ASCC3: variants seen among roughly 807,000 people sequenced by gnomAD.
ASCC3 encodes ASC-1 complex subunit P200.
In ASCC3, 158 loss-of-function variants were observed where a neutral mutation model predicts 256.3. The ratio of observed to expected loss-of-function variants is 0.62; its 90% CI spans 0.54 to 0.70. ASCC3 has a LOEUF of 0.70. Ranked by LOEUF, ASCC3 falls within the 30% of genes least tolerant of loss-of-function variation. The pLI, the probability that ASCC3 is intolerant of heterozygous loss-of-function variation, is 0.00. For synonymous variants in ASCC3, 948 were observed against 883.4 expected (o/e 1.07, Z -1.30); for missense variants, 2,259 against 2,626.0 (o/e 0.86, Z 3.05).
At chr6:100,678,760 A>G (rs1457382690) in intron 14 of ASCC3, among the ~76,000 whole-genome samples, 1 of 152,152 alleles carries the variant, frequency 6.6e-6, no homozygotes, top group Non-Finnish European at 1.5e-5. Flanking sequence ...CTGCAAAGAA[A>G]CAGAAAGTAA....
chr6:100,518,973 C>T (rs1056252729), intron 37 of ASCC3, among the ~76,000 whole-genome samples: 1 of 151,886 alleles, frequency 6.6e-6, no homozygotes, highest in Admixed American at 6.6e-5. Context: ...ATATGCCTAG[C>T]AAATAATTAA....
intron 30 of ASCC3, among the ~76,000 whole-genome samples, chr6:100,614,610 C>A (rs9377084): frequency 0.063 from 9,658 of 152,096 alleles, 721 homozygotes; most frequent in East Asian, 0.3. Context: ...GACCAAGAAG[C>A]CTGGCTCCAG....
chr6:100,625,947 G>A (rs1774211153), intron 29 of ASCC3, among the ~76,000 whole-genome samples: 1 of 151,922 alleles, frequency 6.6e-6, no homozygotes, highest in Non-Finnish European at 1.5e-5. Context: ...ACAAGATAAC[G>A]TAGAAGAGGG....
At chr6:100,570,416 G>T (rs942448369) in intron 36 of ASCC3, among the ~76,000 whole-genome samples, 3 of 152,094 alleles carry the variant, frequency 2.0e-5, no homozygotes, top group Non-Finnish European at 4.4e-5. Context: ...CTGTGGGTTT[G>T]TCATATTATT....
chr6:100,631,626 T>C (rs77845342), intron 25 of ASCC3, among the ~76,000 whole-genome samples: 2,299 of 152,056 alleles, frequency 0.015, 54 homozygotes, highest in African/African-American at 0.052. Context: ...TAATATTTAT[T>C]TGAGTTGTAT....
intron 36 of ASCC3, among the ~76,000 whole-genome samples, chr6:100,540,967 G>A (rs1775428051): frequency 6.6e-6 from 1 of 152,108 alleles, no homozygotes; most frequent in African/African-American, 2.4e-5. Flanking sequence ...CATACAGAGA[G>A]TTAGATTGTT....
At chr6:100,672,273 G>C (rs987099834) in intron 14 of ASCC3, among the ~76,000 whole-genome samples, 1 of 152,016 alleles carries the variant, frequency 6.6e-6, no homozygotes, top group African/African-American at 2.4e-5. Context: ...GTAAAGGGAT[G>C]ACTACTTTTT....
At chr6:100,818,205 T>C (rs1770847305) in intron 4 of ASCC3, among the ~76,000 whole-genome samples, 1 of 152,116 alleles carries the variant, frequency 6.6e-6, no homozygotes, top group Non-Finnish European at 1.5e-5. Context: ...AATACTCTTT[T>C]GTAATAAAAA....
intron 13 of ASCC3, among the ~76,000 whole-genome samples, chr6:100,704,043 A>G (rs1778464849): frequency 1.6e-5 from 2 of 127,092 alleles, no homozygotes; most frequent in Non-Finnish European, 3.5e-5. Flanking sequence ...AACATTACCA[A>G]GAAGTATTTT....
intron 13 of ASCC3, among the ~76,000 whole-genome samples, chr6:100,700,168 G>T (rs1778284080): frequency 1.3e-5 from 2 of 152,076 alleles, no homozygotes; most frequent in Non-Finnish European, 2.9e-5. Flanking sequence ...GGAAAAAGTG[G>T]TTTTGTGGGC....
At chr6:100,635,160 A>G (rs1195080954) in intron 25 of ASCC3, among the ~76,000 whole-genome samples, 1 of 152,060 alleles carries the variant, frequency 6.6e-6, no homozygotes, top group Admixed American at 6.5e-5. Flanking sequence ...TAAGTGCCTC[A>G]AGATAGATAA....
chr6:100,660,356 G>T (rs1776132677), intron 16 of ASCC3, among the ~76,000 whole-genome samples: 1 of 151,500 alleles, frequency 6.6e-6, no homozygotes. Context: ...CAGAGTCTCT[G>T]GTATACAGCA....
chr6:100,727,321 G>T (rs1050700639), intron 10 of ASCC3, among the ~76,000 whole-genome samples: 1 of 151,804 alleles, frequency 6.6e-6, no homozygotes, highest in African/African-American at 2.4e-5. Flanking sequence ...AATGAAGAAC[G>T]TCACGCCCAA....
intron 30 of ASCC3, among the ~76,000 whole-genome samples, chr6:100,622,974 A>G (rs185053173): frequency 6.6e-6 from 1 of 152,230 alleles, no homozygotes; most frequent in East Asian, 1.9e-4. Flanking sequence ...CAAACATCCC[A>G]AAGTGTGTTT....
chr6:100,579,647 T>C (rs539970778), intron 36 of ASCC3, among the ~76,000 whole-genome samples: 3 of 152,220 alleles, frequency 2.0e-5, no homozygotes, highest in African/African-American at 4.8e-5. Flanking sequence ...TGTAGATGTG[T>C]TGCTTCACTT....
At chr6:100,535,466 GTTTTTTTTTTT>G (rs34575315) in intron 37 of ASCC3, among the ~76,000 whole-genome samples, 1 of 98,626 alleles carries the variant, frequency 1.0e-5, no homozygotes, top group African/African-American at 3.8e-5. Context: ...TGGTTTTCGT[GTTTTTTTTTTT>G]TTTTTTTTTT....
Position 100,841,642 on chromosome 6 carries a change from A to G in ASCC3, c.801+6506T>C, listed in dbSNP as rs531842082. 2.0e-5 allele frequency among the ~76,000 whole-genome samples: 3 copies of G among 151,876 alleles called. No homozygotes were observed. In the South Asian group the frequency reaches 6.2e-4, roughly 32 times the overall value. On this transcript the variant is annotated intron_variant, in intron 4 of 41. Coordinates refer to ENST00000369162, the MANE Select transcript of ASCC3 (RefSeq NM_006828.4). ...ACAGCTGTATCCAAATTGTGTTGAT[A>G]ATGGATTAATGTCAACATAAAAGAA...
chr6:100,801,903 T>A (rs1769934771), intron 5 of ASCC3, among the ~76,000 whole-genome samples: 2 of 150,310 alleles, frequency 1.3e-5, no homozygotes, highest in South Asian at 4.3e-4. Flanking sequence ...AAAATGTATT[T>A]ATCAGAAATG....
At chr6:100,633,207 T>C (rs540332299) in intron 25 of ASCC3, among the ~76,000 whole-genome samples, 1 of 152,268 alleles carries the variant, frequency 6.6e-6, no homozygotes, top group South Asian at 2.1e-4. Flanking sequence ...AGTAGCATGA[T>C]GGAATCTCAC....
Sources: gnomAD v4.1 joint callset for allele counts (sites outside exome capture counted in the v4.1 genomes callset) on GRCh38, gnomAD v4.1.1 for gene constraint, MANE v1.5 for transcripts, NCBI Gene and HGNC (gene_info 2026-07-23, HGNC 2026-07-21) for gene names.